The following BTRC variants were observed in gnomAD, a reference collection of about 807,000 sequenced individuals.
BTRC encodes F-box/WD repeat-containing protein 1A.
A neutral mutation model predicts 85.5 loss-of-function variants in BTRC; 42 were observed. The observed-to-expected ratio is 0.49, with a 90% CI of 0.38 to 0.64. The LOEUF (loss-of-function observed/expected upper bound fraction) is 0.64, where lower values mean the gene tolerates loss of function less well. Ranked by LOEUF, BTRC falls within the 30% of genes least tolerant of loss-of-function variation. The pLI, the probability that BTRC is intolerant of heterozygous loss-of-function variation, is 0.00. For synonymous variants in BTRC, 255 were observed against 263.3 expected, an observed-to-expected ratio of 0.97 and a Z score of 0.30; for missense variants, 594 against 743.5, an observed-to-expected ratio of 0.80 and a Z score of 2.34.
chr10:101,354,198 G>A lies in BTRC; in HGVS notation c.18G>A (p.Ala6=). ...CGGCGATTATGGACCCGGCCGAGGC[G>A]GTGCTGCAAGAGAAGGCACTCAAGT... The part of the protein sequence containing the change: MDPAE[A]VLQEKALKFM... Residue 6 remains alanine (A), a synonymous_variant, in exon 1 of 15, where the codon GCG becomes GCA. Coordinates refer to ENST00000370187, the MANE Select transcript of BTRC (RefSeq NM_033637.4). The A allele has an allele frequency of 6.5e-7, 1 of 1,549,206 alleles. No homozygotes were observed. The highest frequency in any genetic ancestry group is 1.2e-5 in the South Asian group (1 of 83,980).
intron 1 of BTRC, among the ~76,000 whole-genome samples, chr10:101,369,416 G>A (rs897744392): frequency 1.1e-4 from 17 of 152,010 alleles, no homozygotes; most frequent in Admixed American, 6.6e-5. Flanking sequence ...TGCTTGAATT[G>A]TTCCCTATTT....
rs781204911 is a variant in BTRC at position 101,533,000 on chromosome 10, A to G, written c.1027A>G (p.Thr343Ala). 10 of 1,613,618 alleles carry G rather than the reference A, an allele frequency of 6.2e-6. No individual in the cohort carries two copies. The highest frequency in any genetic ancestry group is 8.5e-6 in the Non-Finnish European group (10 of 1,179,774). Residue 343 changes from threonine (T) to alanine (A), a missense_variant, in exon 9 of 15, where the codon ACA (threonine) becomes GCA (alanine). Transcript: ENST00000370187. ...ATGCAAGCGAATTCTCACAGGCCAT[A>G]CAGGTTCAGTCCTCTGTCTCCAGTA... ...LECKRILTGH[T>A]GSVLCLQYDE...
chr10:101,526,582 C>T (rs555089664), intron 6 of BTRC, among the ~76,000 whole-genome samples: 1 of 152,220 alleles, frequency 6.6e-6, no homozygotes, highest in Non-Finnish European at 1.5e-5. Context: ...GAGTTTGAGA[C>T]CAGCCTGGCC....
chr10:101,373,284 G>T (rs1233823967), intron 1 of BTRC, among the ~76,000 whole-genome samples: 2 of 152,278 alleles, frequency 1.3e-5, no homozygotes, highest in East Asian at 3.9e-4. Context: ...CTTTAGAGTG[G>T]ATTAGACTAG....
At chr10:101,538,474 C>T in intron 13 of BTRC, 103 bp downstream of exon 13, 1 of 1,053,124 alleles carries the variant, frequency 9.5e-7, no homozygotes, top group Non-Finnish European at 1.5e-6. Context: ...GTTACAACCT[C>T]ACAAAACCTA....
Position 101,408,990 on chromosome 10 carries a change from A to C in BTRC, c.49-21355A>C, listed in dbSNP as rs191256509. On this transcript the variant is annotated intron_variant, in intron 1 of 14. Transcript: ENST00000370187. ...CTTGAACCGGGGAGACGGAGGTTGC[A>C]GTGAACCAAGATTGTGCCACTGCAC... 8.1e-3 allele frequency among the ~76,000 whole-genome samples: 1,240 copies of C among 152,324 alleles called. 65 individuals are homozygous for C. Among genetic ancestry groups the C allele is most frequent in the Admixed American group, 0.075 (1,144 of 15,298 alleles).
At chr10:101,408,481 AT>A (rs1025142409) in intron 1 of BTRC, among the ~76,000 whole-genome samples, 6 of 151,388 alleles carry the variant, frequency 4.0e-5, no homozygotes, top group African/African-American at 1.5e-4. Context: ...TAATTTTTGT[AT>A]TTTTTACAGA....
At chr10:101,378,290 G>A (rs1388158106) in intron 1 of BTRC, among the ~76,000 whole-genome samples, 1 of 152,028 alleles carries the variant, frequency 6.6e-6, no homozygotes, top group Non-Finnish European at 1.5e-5. Flanking sequence ...TTAGCTTGAG[G>A]TTAAATTTGT....
chr10:101,531,833 G>A (rs2062286448), intron 7 of BTRC, among the ~76,000 whole-genome samples: 1 of 152,226 alleles, frequency 6.6e-6, no homozygotes, highest in South Asian at 2.1e-4. Context: ...ATAAGTAGAT[G>A]AGAGAGTTAA....
intron 13 of BTRC, 95 bp from the exon 14 acceptor site, chr10:101,550,604 C>G: frequency 7.4e-7 from 1 of 1,355,612 alleles, no homozygotes; most frequent in Non-Finnish European, 1.0e-6. Context: ...CAAACCATAG[C>G]CTTTCCGTAG....
chr10:101,528,655 G>A (rs746699506), intron 6 of BTRC, among the ~76,000 whole-genome samples: 1 of 152,008 alleles, frequency 6.6e-6, no homozygotes, highest in African/African-American at 2.4e-5. Context: ...TGCTGCTTCT[G>A]TTTTTACATG....
rs550293943 is a variant in BTRC at position 101,391,157 on chromosome 10, C to T, written c.48+36929C>T. Among the ~76,000 whole-genome samples, 133 of 152,096 alleles carry T rather than the reference C, an allele frequency of 8.7e-4. 1 individual carries two copies. The highest frequency in any genetic ancestry group is 1.6e-3 in the Non-Finnish European group (111 of 68,008). On this transcript the variant is annotated intron_variant, in intron 1 of 14. Transcript: ENST00000370187. ...ACTATTTATCCTGTGTGGTAACTACCGCTCCTGCTGTGATTCAAATATTTC... is the reference window on the plus strand; with the variant it reads ...ACTATTTATCCTGTGTGGTAACTACTGCTCCTGCTGTGATTCAAATATTTC...
At chr10:101,354,285 T>C in intron 1 of BTRC, 57 bp downstream of exon 1, 1 of 1,536,478 alleles carries the variant, frequency 6.5e-7, no homozygotes, top group South Asian at 1.2e-5. Context: ...GCGGCGTCGC[T>C]GGCCTGGGCC....
At chr10:101,429,775 G>A (rs371119572) in intron 1 of BTRC, among the ~76,000 whole-genome samples, 9 of 145,268 alleles carry the variant, frequency 6.2e-5, no homozygotes, top group African/African-American at 2.3e-4. Flanking sequence ...TTAATGAATA[G>A]CAGACTAACA....
At chr10:101,470,878 C>T (rs1294160284) in intron 3 of BTRC, among the ~76,000 whole-genome samples, 1 of 152,060 alleles carries the variant, frequency 6.6e-6, no homozygotes, top group African/African-American at 2.4e-5. Context: ...TTTCTTTTCC[C>T]CCATTGAATT....
Position 101,366,939 on chromosome 10 carries a change from T to TATATATATATTTATATAA in BTRC, c.48+12719_48+12720insATTTATATAAATATATAT, listed in dbSNP as rs1564730456. 2.8e-3 allele frequency among the ~76,000 whole-genome samples: 22 copies of TATATATATATTTATATAA among 7,858 alleles called. 1 individual carries two copies. The South Asian group carries it at 0.033, about 12-fold the overall frequency. 5.2% of individuals were successfully genotyped at this position (7,858 alleles called of 152,430 possible). On this transcript the variant is annotated intron_variant, in intron 1 of 14. Transcript: ENST00000370187. ...ATATTTATATATATTTATATATATT[T>TATATATATATTTATATAA]ATATATATTTATATATATATTTATA... is the stretch of plus-strand genomic sequence containing the variant.
intron 4 of BTRC, among the ~76,000 whole-genome samples, chr10:101,487,227 A>G (rs1238706933): frequency 1.3e-5 from 2 of 152,188 alleles, no homozygotes; most frequent in East Asian, 3.8e-4. Context: ...ATTTGAGTTA[A>G]TAGATTTTCA....
intron 13 of BTRC, among the ~76,000 whole-genome samples, chr10:101,541,969 A>G (rs151262952): frequency 0.035 from 5,387 of 152,082 alleles, 150 homozygotes; most frequent in Middle Eastern, 0.085. Context: ...TCCCTCATCT[A>G]TTTTCTAAGA....
At chr10:101,456,570 T>C (rs945076134) in intron 2 of BTRC, among the ~76,000 whole-genome samples, 3 of 152,230 alleles carry the variant, frequency 2.0e-5, no homozygotes, top group African/African-American at 4.8e-5. Context: ...TGAATACTTT[T>C]TTAATATAAT....
Sources: allele counts gnomAD v4.1 joint callset (sites outside exome capture counted in the v4.1 genomes callset), GRCh38; gene constraint gnomAD v4.1.1; transcripts MANE v1.5; gene names NCBI Gene and HGNC (gene_info 2026-07-23, HGNC 2026-07-21).